The following CDH13 variants were observed in gnomAD, a reference collection of about 807,000 sequenced individuals.
The protein encoded by CDH13 is cadherin 13.
In CDH13, 24 loss-of-function variants were observed where a neutral mutation model predicts 63.8. The observed-to-expected ratio is 0.38, with a 90% CI of 0.27 to 0.53. The LOEUF is 0.53. CDH13 is among the 20% of genes least tolerant of loss of function. CDH13 has a pLI of 0.85. For synonymous variants in CDH13, 503 were observed against 355.3 expected (o/e 1.42, Z -4.67); for missense variants, 1,049 against 903.1 (o/e 1.16, Z -2.07).
chr16:83,523,065 A>G (rs927867285), intron 7 of CDH13, among the ~76,000 whole-genome samples: 2 of 152,004 alleles, frequency 1.3e-5, no homozygotes, highest in Admixed American at 1.3e-4. Flanking sequence ...GCATTTCTGG[A>G]CCCCCGGCCT....
intron 7 of CDH13, 93 bp from the exon 8 acceptor site, chr16:83,602,361 G>C (rs1907929306): frequency 4.9e-6 from 6 of 1,236,390 alleles, no homozygotes; most frequent in African/African-American, 3.0e-5. Flanking sequence ...TGGAGGAGGG[G>C]GAGAGACAGC....
intron 7 of CDH13, among the ~76,000 whole-genome samples, chr16:83,591,042 T>C (rs1293154328): frequency 1.3e-5 from 2 of 151,784 alleles, no homozygotes; most frequent in East Asian, 2.0e-4. Flanking sequence ...TCCCGAGTAG[T>C]TGGGATTACA....
At chr16:83,193,971 CCCACAATACGAGGAGGGAAGA>C (rs2038801219) in intron 4 of CDH13, among the ~76,000 whole-genome samples, 1 of 152,186 alleles carries the variant, frequency 6.6e-6, no homozygotes, top group South Asian at 2.1e-4. Flanking sequence ...TGCCCTCATC[CCCACAATACGAGGAGGGAAGA>C]GTCCGATGTT....
At chr16:82,740,313 C>A (rs1185706172) in intron 1 of CDH13, among the ~76,000 whole-genome samples, 1 of 152,164 alleles carries the variant, frequency 6.6e-6, no homozygotes, top group Admixed American at 6.5e-5. Flanking sequence ...GATGAGATGA[C>A]GTTCTCCATT....
At chr16:83,379,907 A>ATC (rs2091525937) in intron 6 of CDH13, among the ~76,000 whole-genome samples, 1 of 112,606 alleles carries the variant, frequency 8.9e-6, no homozygotes, top group African/African-American at 3.3e-5. Context: ...TATGTATTAT[A>ATC]TATGTGTGTG....
chr16:83,195,245 A>T (rs74031461), intron 4 of CDH13, among the ~76,000 whole-genome samples: 8,042 of 152,232 alleles, frequency 0.053, 666 homozygotes, highest in African/African-American at 0.18. Context: ...AAACAAAAGG[A>T]GCTGGTAATG....
intron 1 of CDH13, among the ~76,000 whole-genome samples, chr16:82,849,955 A>G (rs1005923168): frequency 1.3e-5 from 2 of 152,242 alleles, no homozygotes; most frequent in Non-Finnish European, 2.9e-5. Context: ...CTTACTGTTC[A>G]TTGACAATGT....
Position 82,815,137 on chromosome 16 carries a change from C to T in CDH13, c.46-43225C>T, listed in dbSNP as rs550484535. On this transcript the variant is annotated intron_variant, in intron 1 of 13. Coordinates refer to ENST00000567109, the MANE Select transcript of CDH13 (RefSeq NM_001257.5). ...ATCGTTCATGACCCACCTGAATGCA[C>T]AGTAGGGTACTTAGAAAGTACTGCA... 2.3e-3 allele frequency among the ~76,000 whole-genome samples: 350 copies of T among 152,158 alleles called. 1 individual carries two copies. The highest frequency in any genetic ancestry group is 0.014 in the Middle Eastern group (4 of 294).
intron 3 of CDH13, among the ~76,000 whole-genome samples, chr16:83,065,640 G>A (rs909333719): frequency 1.3e-5 from 2 of 151,432 alleles, no homozygotes; most frequent in Non-Finnish European, 2.9e-5. Flanking sequence ...AGGGGGCAGA[G>A]GTTGCAGTGA....
At chr16:82,987,868 C>T (rs949906483) in intron 2 of CDH13, among the ~76,000 whole-genome samples, 4 of 152,164 alleles carry the variant, frequency 2.6e-5, no homozygotes, top group Non-Finnish European at 4.4e-5. Flanking sequence ...GATTCTGCCT[C>T]TTGGGATTTG....
At chr16:82,716,854 C>T (rs1014949391) in intron 1 of CDH13, among the ~76,000 whole-genome samples, 1 of 151,786 alleles carries the variant, frequency 6.6e-6, no homozygotes, top group Admixed American at 6.6e-5. Context: ...TGTCCTTTGC[C>T]TCAAGCAGAA....
At chr16:83,289,850 T>C (rs996981907) in intron 5 of CDH13, among the ~76,000 whole-genome samples, 1 of 152,204 alleles carries the variant, frequency 6.6e-6, no homozygotes, top group African/African-American at 2.4e-5. Flanking sequence ...TATGTAACCA[T>C]TAAAACAATT....
intron 1 of CDH13, among the ~76,000 whole-genome samples, chr16:82,851,156 C>A (rs941471171): frequency 6.6e-6 from 1 of 152,074 alleles, no homozygotes; most frequent in Non-Finnish European, 1.5e-5. Flanking sequence ...AACAATAGGG[C>A]CAGGTACGGT....
intron 10 of CDH13, chr16:83,721,720 A>C (rs1909717399): frequency 1.3e-5 from 2 of 152,274 alleles, no homozygotes; most frequent in Non-Finnish European, 2.9e-5. Flanking sequence ...CGAATGGTCC[A>C]GATAGGAATG....
intron 4 of CDH13, among the ~76,000 whole-genome samples, chr16:83,165,552 G>T (rs997749324): frequency 6.6e-6 from 1 of 152,134 alleles, no homozygotes; most frequent in Non-Finnish European, 1.5e-5. Flanking sequence ...GGTTGTGGAA[G>T]ATGTAGTGGT....
chr16:83,082,635 C>A (rs904496198), intron 3 of CDH13, among the ~76,000 whole-genome samples: 10 of 152,086 alleles, frequency 6.6e-5, no homozygotes. Flanking sequence ...CAAGACAAGA[C>A]TGTCTCAACA....
intron 6 of CDH13, among the ~76,000 whole-genome samples, chr16:83,377,399 T>C (rs1297340422): frequency 6.6e-6 from 1 of 152,180 alleles, no homozygotes; most frequent in Non-Finnish European, 1.5e-5. Context: ...AAAGGCTATC[T>C]CTCTATGTGG....
At chr16:83,574,887 A>G (rs1904965949) in intron 7 of CDH13, among the ~76,000 whole-genome samples, 2 of 152,228 alleles carry the variant, frequency 1.3e-5, no homozygotes, top group South Asian at 4.1e-4. Flanking sequence ...TCTAAAGGGA[A>G]CAATGTGAAA....
intron 5 of CDH13, among the ~76,000 whole-genome samples, chr16:83,237,491 G>A (rs185043885): frequency 1.0e-4 from 16 of 152,384 alleles, no homozygotes; most frequent in Admixed American, 1.0e-3. Context: ...CAAATAGATA[G>A]TAGTCCACGT....
Sources: gnomAD v4.1 joint callset for allele counts (sites outside exome capture counted in the v4.1 genomes callset) on GRCh38, gnomAD v4.1.1 for gene constraint, MANE v1.5 for transcripts, NCBI Gene and HGNC (gene_info 2026-07-23, HGNC 2026-07-21) for gene names.